Variants in DPP10 observed in about 807,000 individuals in gnomAD.
DPP10 encodes dipeptidyl peptidase like 10.
Under a neutral mutation model 120.9 loss-of-function variants are expected in DPP10, and 33 were observed. The ratio of observed to expected loss-of-function variants is 0.27; its 90% CI spans 0.21 to 0.37. The LOEUF (loss-of-function observed/expected upper bound fraction) is 0.37, where lower values mean the gene tolerates loss of function less well. DPP10 is among the 10% of genes least tolerant of loss of function. The probability of loss-of-function intolerance (pLI) is 1.00; values close to 1 mark genes in which losing one functional copy is unlikely to be tolerated. For missense variants in DPP10, 816 were observed against 942.8 expected (o/e 0.87, Z 1.76); for synonymous variants, 337 against 326.1 (o/e 1.03, Z -0.36).
At chr2:114,762,004 G>A (rs1186477886) in intron 1 of DPP10, among the ~76,000 whole-genome samples, 2 of 152,098 alleles carry the variant, frequency 1.3e-5, no homozygotes, top group Non-Finnish European at 2.9e-5. Context: ...CACTGTGCTA[G>A]CTGCTACTTT....
At chr2:115,480,909 G>C (rs1361576433) in intron 3 of DPP10, among the ~76,000 whole-genome samples, 4 of 152,124 alleles carry the variant, frequency 2.6e-5, no homozygotes, top group Admixed American at 6.6e-5. Flanking sequence ...TTTAATTCTT[G>C]TGTTTCTTTA....
intron 2 of DPP10, 84 bp downstream of exon 2, chr2:115,309,437 A>G: frequency 7.4e-7 from 1 of 1,354,754 alleles, no homozygotes; most frequent in South Asian, 1.2e-5. Flanking sequence ...GGGTAGCAAT[A>G]TGTGGTATCT....
chr2:115,839,455 C>G (rs1689858602), intron 24 of DPP10, among the ~76,000 whole-genome samples: 1 of 152,046 alleles, frequency 6.6e-6, no homozygotes, highest in Non-Finnish European at 1.5e-5. Context: ...GCAGGCAGCT[C>G]ACGAGGTCAG....
chr2:114,717,871 C>T (rs796578418), intron 1 of DPP10, among the ~76,000 whole-genome samples: 7 of 152,276 alleles, frequency 4.6e-5, no homozygotes, highest in African/African-American at 1.7e-4. Flanking sequence ...TTTATAACTA[C>T]TCTGTATTTA....
intron 1 of DPP10, among the ~76,000 whole-genome samples, chr2:115,111,904 A>G (rs76910621): frequency 0.058 from 8,883 of 152,268 alleles, 317 homozygotes; most frequent in East Asian, 0.15. Flanking sequence ...TTTAGTACTC[A>G]GTGTCTGATG....
chr2:115,664,993 C>G (rs62157880), intron 5 of DPP10, among the ~76,000 whole-genome samples: 11,721 of 152,068 alleles, frequency 0.077, 646 homozygotes, highest in Non-Finnish European at 0.11. Flanking sequence ...TAGGGCAGCA[C>G]ACACTGAACA....
intron 4 of DPP10, among the ~76,000 whole-genome samples, chr2:115,506,497 G>GT (rs2148817748): frequency 6.6e-6 from 1 of 152,094 alleles, no homozygotes; most frequent in East Asian, 1.9e-4. Flanking sequence ...ATCCATTGTT[G>GT]TTTTTAATAT....
intron 1 of DPP10, among the ~76,000 whole-genome samples, chr2:114,935,155 C>A (rs1375515505): frequency 6.6e-6 from 1 of 152,106 alleles, no homozygotes; most frequent in Non-Finnish European, 1.5e-5. Flanking sequence ...ATTTTCATTC[C>A]TCTACATTTA....
chr2:114,599,126 C>T (rs1692160446), intron 1 of DPP10, among the ~76,000 whole-genome samples: 1 of 151,712 alleles, frequency 6.6e-6, no homozygotes, highest in Admixed American at 6.6e-5. Flanking sequence ...CAGGTGTATA[C>T]ATAACTTGTT....
intron 1 of DPP10, among the ~76,000 whole-genome samples, chr2:114,841,882 G>A (rs1350358740): frequency 6.6e-6 from 1 of 152,016 alleles, no homozygotes; most frequent in Admixed American, 6.6e-5. Context: ...CTCATGCTGG[G>A]TCATGCTAAG....
chr2:114,451,066 T>C (rs1303062264), intron 1 of DPP10, among the ~76,000 whole-genome samples: 1 of 151,950 alleles, frequency 6.6e-6, no homozygotes, highest in Non-Finnish European at 1.5e-5. Context: ...AAATTACTTA[T>C]TGTATTTAAA....
chr2:114,512,161 C>T (rs563575253), intron 1 of DPP10, among the ~76,000 whole-genome samples: 1 of 152,250 alleles, frequency 6.6e-6, no homozygotes, highest in South Asian at 2.1e-4. Flanking sequence ...ACAGCTTCAG[C>T]CTTTTCATGA....
intron 1 of DPP10, among the ~76,000 whole-genome samples, chr2:114,564,504 A>G (rs1033188542): frequency 2.6e-5 from 4 of 152,188 alleles, no homozygotes; most frequent in Admixed American, 6.5e-5. Context: ...TTTAGAAACT[A>G]TATATTCCAT....
At chr2:115,734,748 A>AT (rs70941094) in intron 8 of DPP10, among the ~76,000 whole-genome samples, 12,644 of 150,156 alleles carry the variant, frequency 0.084, 590 homozygotes, top group South Asian at 0.13. Context: ...GTATATGTAT[A>AT]TTTTTTTCTG....
chr2:115,440,853 A>AATCCTGGAAAG (rs1283536659), intron 3 of DPP10: 37 of 152,308 alleles, frequency 2.4e-4, no homozygotes, highest in African/African-American at 8.4e-4. Context: ...CTTTAAGAAA[A>AATCCTGGAAAG]ATCCTGGGAA....
chr2:115,839,673 C>CAAA (rs57734176), intron 24 of DPP10, among the ~76,000 whole-genome samples: 1,768 of 90,326 alleles, frequency 0.02, 49 homozygotes, highest in East Asian at 0.038. Flanking sequence ...GACTCCATCT[C>CAAA]AAAAAAAAAA....
chr2:115,622,064 T>C (rs1244725109), intron 5 of DPP10, among the ~76,000 whole-genome samples: 1 of 152,206 alleles, frequency 6.6e-6, no homozygotes, highest in Non-Finnish European at 1.5e-5. Context: ...TTAATAGTTT[T>C]AGTCCATTTA....
At chr2:114,904,880 G>A (rs1315723450) in intron 1 of DPP10, among the ~76,000 whole-genome samples, 2 of 152,114 alleles carry the variant, frequency 1.3e-5, no homozygotes, top group Non-Finnish European at 2.9e-5. Context: ...GGCAGAACTC[G>A]CTAGCAGAGC....
At chr2:115,209,804 G>A (rs886656386) in intron 1 of DPP10, among the ~76,000 whole-genome samples, 5 of 152,088 alleles carry the variant, frequency 3.3e-5, no homozygotes, top group Non-Finnish European at 7.4e-5. Context: ...GCAGAGACAA[G>A]GAAGAATTAC....
Sources: gnomAD v4.1 joint callset for allele counts (sites outside exome capture counted in the v4.1 genomes callset) on GRCh38, gnomAD v4.1.1 for gene constraint, MANE v1.5 for transcripts, NCBI Gene and HGNC (gene_info 2026-07-23, HGNC 2026-07-21) for gene names.